The following CCDC141 variants were observed in gnomAD, a reference collection of about 807,000 sequenced individuals.
CCDC141 encodes the protein coiled-coil domain-containing protein 141.
A neutral mutation model predicts 181.0 loss-of-function variants in CCDC141; 168 were observed. The observed-to-expected ratio is 0.93, with a 90% confidence interval of 0.82 to 1.05. The LOEUF (loss-of-function observed/expected upper bound fraction) is 1.05. Ranked by LOEUF, CCDC141 falls within the 50% of genes least tolerant of loss-of-function variation. The pLI, the probability that CCDC141 is intolerant of heterozygous loss-of-function variation, is 0.00. For missense variants in CCDC141, 1,902 were observed against 1,788.5 expected (o/e 1.06, Z -1.14); for synonymous variants, 666 against 642.3 (o/e 1.04, Z -0.56).
At chr2:179,021,616 G>A (rs11900175) in intron 2 of CCDC141, among the ~76,000 whole-genome samples, 5,932 of 152,190 alleles carry the variant, frequency 0.039, 363 homozygotes, top group African/African-American at 0.13. Context: ...TGGTTCTGCC[G>A]TCAGTAGGAA....
At chr2:178,904,606 A>G (rs1012136806) in intron 8 of CCDC141, among the ~76,000 whole-genome samples, 1 of 152,150 alleles carries the variant, frequency 6.6e-6, no homozygotes, top group Admixed American at 6.5e-5. Flanking sequence ...CTCTCTGTGA[A>G]AAATGTAAGC....
intron 2 of CCDC141, among the ~76,000 whole-genome samples, chr2:178,989,189 A>G (rs1408541720): frequency 6.6e-6 from 1 of 152,190 alleles, no homozygotes; most frequent in Admixed American, 6.5e-5. Flanking sequence ...TGTACAAAGG[A>G]CATTATCAAA....
chr2:178,834,559 G>C, intron 23 of CCDC141, 119 bp from the exon 24 acceptor site: 1 of 1,135,086 alleles, frequency 8.8e-7, no homozygotes, highest in East Asian at 2.6e-5. Context: ...GGATTAGTAG[G>C]AACCTTGTAG....
At chr2:179,040,380 CTTTAAT>C (rs987352313) in intron 2 of CCDC141, among the ~76,000 whole-genome samples, 5 of 152,180 alleles carry the variant, frequency 3.3e-5, no homozygotes, top group Admixed American at 6.5e-5. Context: ...TTATTTCCAA[CTTTAAT>C]TTTAAGTTTA....
intron 2 of CCDC141, among the ~76,000 whole-genome samples, chr2:178,998,767 A>G (rs115147125): frequency 0.014 from 2,063 of 152,090 alleles, 25 homozygotes; most frequent in Non-Finnish European, 0.022. Context: ...GTGTTTCAGG[A>G]TATCACGGTC....
At chr2:178,872,777 A>G (rs1686178685) in intron 12 of CCDC141, among the ~76,000 whole-genome samples, 1 of 152,190 alleles carries the variant, frequency 6.6e-6, no homozygotes, top group Non-Finnish European at 1.5e-5. Context: ...ATTCCATTGT[A>G]TACATTGCAA....
At chr2:178,912,885 G>A (rs980610215) in intron 7 of CCDC141, among the ~76,000 whole-genome samples, 3 of 151,994 alleles carry the variant, frequency 2.0e-5, no homozygotes, top group African/African-American at 7.3e-5. Flanking sequence ...GCCCTTCCTC[G>A]GCCCTTCTTG....
At chr2:178,987,780 C>T (rs1691827159) in intron 2 of CCDC141, among the ~76,000 whole-genome samples, 2 of 150,214 alleles carry the variant, frequency 1.3e-5, no homozygotes, top group East Asian at 3.9e-4. Flanking sequence ...TACCATCTCA[C>T]ACCAGTTAGA....
At chr2:178,860,049 CA>C (rs1393352047) in intron 17 of CCDC141, among the ~76,000 whole-genome samples, 5 of 152,180 alleles carry the variant, frequency 3.3e-5, no homozygotes, top group African/African-American at 1.2e-4. Flanking sequence ...AGAACTATGG[CA>C]CATGTTTGGC....
downstream of CCDC141, among the ~76,000 whole-genome samples, chr2:178,827,847 A>G (rs1252995620): frequency 1.3e-5 from 2 of 152,224 alleles, no homozygotes; most frequent in Admixed American, 6.5e-5. Context: ...GTATTCTTTC[A>G]TCGTTCAGAA....
At chr2:179,009,436 C>T (rs1412976506) in intron 2 of CCDC141, among the ~76,000 whole-genome samples, 5 of 152,044 alleles carry the variant, frequency 3.3e-5, no homozygotes, top group Admixed American at 6.6e-5. Context: ...TGTTCAGATT[C>T]TTTTATCCCA....
intron 2 of CCDC141, among the ~76,000 whole-genome samples, chr2:179,042,213 C>G (rs758214078): frequency 1.9e-4 from 29 of 152,208 alleles, no homozygotes; most frequent in Admixed American, 1.4e-3. Flanking sequence ...TCATAACAGT[C>G]TCTCAGACAA....
intron 2 of CCDC141, among the ~76,000 whole-genome samples, chr2:178,989,998 G>T (rs1691968917): frequency 6.6e-6 from 1 of 151,682 alleles, no homozygotes; most frequent in African/African-American, 2.4e-5. Flanking sequence ...AATTAGCTGG[G>T]CATGGTAGCA....
At chr2:178,815,156 T>C in the CCDC141 span, among the ~76,000 whole-genome samples, 4 of 152,162 alleles carry the variant, frequency 2.6e-5, no homozygotes, top group Non-Finnish European at 5.9e-5. Context: ...TAGTACATTT[T>C]TATGGCAGTG....
chr2:178,907,869 C>A (rs992115893), intron 7 of CCDC141, among the ~76,000 whole-genome samples: 2 of 151,884 alleles, frequency 1.3e-5, no homozygotes, highest in Non-Finnish European at 2.9e-5. Context: ...TGTGGTAGCA[C>A]GTGCTTGTAA....
At chr2:178,948,623 G>A (rs1350339594) in intron 5 of CCDC141, among the ~76,000 whole-genome samples, 6 of 152,156 alleles carry the variant, frequency 3.9e-5, no homozygotes, top group Non-Finnish European at 7.4e-5. Context: ...GCATCTAATG[G>A]AAGGTATTTG....
chr2:178,985,644 G>T (rs200363291), intron 2 of CCDC141, among the ~76,000 whole-genome samples: 1 of 151,886 alleles, frequency 6.6e-6, no homozygotes, highest in South Asian at 2.1e-4. Context: ...TATCACCACC[G>T]ATCCCACAGA....
At chr2:179,019,025 C>G (rs111847325) in intron 2 of CCDC141, among the ~76,000 whole-genome samples, 2 of 152,138 alleles carry the variant, frequency 1.3e-5, no homozygotes, top group East Asian at 3.8e-4. Flanking sequence ...GACCATGGCC[C>G]TCTTCTTTGG....
intron 2 of CCDC141, among the ~76,000 whole-genome samples, chr2:178,987,717 A>T (rs199584547): frequency 0.075 from 11,257 of 149,690 alleles, 854 homozygotes; most frequent in African/African-American, 0.2. Context: ...CACATGAAAA[A>T]ATGCTCACCA....
Sources: gnomAD v4.1 joint callset for allele counts (sites outside exome capture counted in the v4.1 genomes callset) on GRCh38, gnomAD v4.1.1 for gene constraint, MANE v1.5 for transcripts, NCBI Gene and HGNC (gene_info 2026-07-23, HGNC 2026-07-21) for gene names.